Variants in SASH1 observed in about 807,000 individuals in gnomAD.
The protein encoded by SASH1 is SAM and SH3 domain-containing protein 1.
SASH1 carries 44 observed loss-of-function variants against 125.2 expected under a neutral mutation model. That is an observed-to-expected ratio of 0.35 (90% CI 0.28 to 0.45). The LOEUF (loss-of-function observed/expected upper bound fraction) is 0.45. SASH1 is among the 20% of genes least tolerant of loss of function. The pLI, the probability that SASH1 is intolerant of heterozygous loss-of-function variation, is 1.00. For missense variants in SASH1, 1,426 were observed against 1,614.5 expected (o/e 0.88, Z 2.00); for synonymous variants, 639 against 649.1 (o/e 0.98, Z 0.24).
intron 8 of SASH1, among the ~76,000 whole-genome samples, chr6:148,496,232 C>T (rs1181689002): frequency 2.0e-5 from 3 of 152,068 alleles, no homozygotes; most frequent in Non-Finnish European, 4.4e-5. Flanking sequence ...TTTTTTTCCA[C>T]TGCATCTCTT....
intron 4 of SASH1, among the ~76,000 whole-genome samples, chr6:148,448,386 G>A (rs1776910931): frequency 6.6e-6 from 1 of 151,870 alleles, no homozygotes; most frequent in Non-Finnish European, 1.5e-5. Context: ...ATGAAGCCTG[G>A]CTCCTGTCTT....
chr6:148,344,755 C>CTTTTTT (rs762490919), intron 1 of SASH1, among the ~76,000 whole-genome samples: 2 of 143,530 alleles, frequency 1.4e-5, no homozygotes, highest in Non-Finnish European at 3.0e-5. Context: ...TTTTTCTTTT[C>CTTTTTT]TTTTTTTTTT....
In SASH1 at chr6:148,544,495, G is replaced by A. The variant is rs1393120035; in HGVS notation, c.3025G>A (p.Gly1009Arg). The change falls in exon 18 of 20, where the codon GGG (glycine) becomes AGG (arginine). Residue 1009 changes from glycine (G) to arginine (R), a missense_variant. Coordinates refer to ENST00000367467, the MANE Select transcript of SASH1 (RefSeq NM_015278.5). This position sits in a 1 kb window ranked among gnomAD's most constrained non-coding sequence, Gnocchi z 6.4. The part of the protein sequence containing the change: ...GLHPVPMGPS[G>R]ALPSPDAPCL... ...CCACCCTGTTCCCATGGGCCCCAGT[G>A]GGGCCCTCCCCAGTCCCGATGCGCC... 6.2e-7 allele frequency: 1 copy of A among 1,613,964 alleles called. No individual in the cohort carries two copies. The highest frequency in any genetic ancestry group is 8.5e-7 in the Non-Finnish European group (1 of 1,180,030).
At position 148,428,277 on chromosome 6, in the gene SASH1, A is replaced by G. The variant is rs114368132; in HGVS notation, c.286-11907A>G. Among the ~76,000 whole-genome samples, 144 of 152,310 alleles carry G rather than the reference A, an allele frequency of 9.5e-4. 1 individual carries two copies. The highest frequency in any genetic ancestry group is 3.3e-3 in the African/African-American group (139 of 41,574). On this transcript the variant is annotated intron_variant, in intron 2 of 19. Coordinates refer to ENST00000367467, the MANE Select transcript of SASH1 (RefSeq NM_015278.5). Reference sequence around the variant, plus strand: ...CTGAACTAAGTTACTTAGCCATCTTAAGTCATTTTCTGGAACGTGGTGAGG... The same window carrying G: ...CTGAACTAAGTTACTTAGCCATCTTGAGTCATTTTCTGGAACGTGGTGAGG...
chr6:148,265,624 G>C, the SASH1 span, among the ~76,000 whole-genome samples: 1 of 152,096 alleles, frequency 6.6e-6, no homozygotes, highest in African/African-American at 2.4e-5. Context: ...GTAGACATAA[G>C]AGCATTGATT....
chr6:148,310,348 A>G (rs1338254460), intron 1 of SASH1, among the ~76,000 whole-genome samples: 1 of 151,972 alleles, frequency 6.6e-6, no homozygotes, highest in Non-Finnish European at 1.5e-5. Context: ...AGCCTCTAGA[A>G]TCAAAAAAGC....
intron 4 of SASH1, among the ~76,000 whole-genome samples, chr6:148,462,988 T>A (rs1359476156): frequency 6.6e-6 from 1 of 152,104 alleles, no homozygotes; most frequent in Non-Finnish European, 1.5e-5. Flanking sequence ...AGAGGTGGAA[T>A]TCTATACAAG....
chr6:148,347,942 G>A (rs1205506595), intron 1 of SASH1, among the ~76,000 whole-genome samples: 4 of 152,136 alleles, frequency 2.6e-5, no homozygotes, highest in South Asian at 4.1e-4. Flanking sequence ...GAACTCAGGC[G>A]TCTGGATGTT....
chr6:148,355,925 A>G (rs557309365), intron 1 of SASH1, among the ~76,000 whole-genome samples: 14 of 152,152 alleles, frequency 9.2e-5, no homozygotes, highest in Non-Finnish European at 1.8e-4. Flanking sequence ...ATTTGGTTAC[A>G]TGAATAAGTT....
chr6:148,236,647 G>A, the SASH1 span, among the ~76,000 whole-genome samples: 7 of 152,320 alleles, frequency 4.6e-5, no homozygotes, highest in East Asian at 9.6e-4. Context: ...AGCTCCAAAC[G>A]TCCTGTCTTT....
chr6:148,470,494 CGCT>C (rs1257737650), intron 5 of SASH1, among the ~76,000 whole-genome samples: 1 of 152,168 alleles, frequency 6.6e-6, no homozygotes, highest in African/African-American at 2.4e-5. Flanking sequence ...TGGCAGACAC[CGCT>C]GCTGCTGCTT....
chr6:148,355,690 G>A (rs1781903309), intron 1 of SASH1, among the ~76,000 whole-genome samples: 1 of 152,110 alleles, frequency 6.6e-6, no homozygotes, highest in African/African-American at 2.4e-5. Flanking sequence ...CAGGAGGGGA[G>A]ACGAATAGAA....
chr6:148,382,371 C>G (rs1236463944), intron 1 of SASH1, among the ~76,000 whole-genome samples: 1 of 152,164 alleles, frequency 6.6e-6, no homozygotes, highest in African/African-American at 2.4e-5. Flanking sequence ...CTCACTGCAA[C>G]CTCCGCCTCC....
chr6:148,366,349 C>T (rs185557481), intron 1 of SASH1, among the ~76,000 whole-genome samples: 7 of 152,248 alleles, frequency 4.6e-5, no homozygotes, highest in Admixed American at 2.6e-4. Flanking sequence ...AAGGTAGACA[C>T]TGTGCTGAGG....
chr6:148,523,922 A>G (rs1043143554), intron 10 of SASH1, among the ~76,000 whole-genome samples: 3 of 151,992 alleles, frequency 2.0e-5, no homozygotes, highest in Non-Finnish European at 4.4e-5. Flanking sequence ...GGCTTCAAAT[A>G]TGATATAAGT....
intron 1 of SASH1, among the ~76,000 whole-genome samples, chr6:148,291,840 T>A (rs1358077198): frequency 6.6e-6 from 1 of 152,176 alleles, no homozygotes; most frequent in African/African-American, 2.4e-5. Context: ...TTGTTATTCT[T>A]GTTGTTGCTG....
chr6:148,476,016 A>G (rs142884385), intron 7 of SASH1, among the ~76,000 whole-genome samples: 4 of 152,288 alleles, frequency 2.6e-5, no homozygotes, highest in South Asian at 4.1e-4. Context: ...AGCTATAGCA[A>G]TCAGGCAAGA....
chr6:148,431,204 AT>A (rs1170801982), intron 2 of SASH1, among the ~76,000 whole-genome samples: 1,868 of 145,094 alleles, frequency 0.013, 37 homozygotes, highest in African/African-American at 0.04. Flanking sequence ...AAGACAATAG[AT>A]TTTTTTTTTT....
intron 8 of SASH1, among the ~76,000 whole-genome samples, chr6:148,507,729 T>C (rs572702654): frequency 6.6e-6 from 1 of 152,268 alleles, no homozygotes; most frequent in East Asian, 1.9e-4. Context: ...GGGACAGTGG[T>C]TCCTACGCAT....
Sources: gnomAD v4.1 joint callset for allele counts (sites outside exome capture counted in the v4.1 genomes callset) on GRCh38, gnomAD v4.1.1 for gene constraint, Gnocchi (gnomAD v3.1) non-coding constraint, MANE v1.5 for transcripts, NCBI Gene and HGNC (gene_info 2026-07-23, HGNC 2026-07-21) for gene names.